KAZN: variants seen among roughly 807,000 people sequenced by gnomAD.
The protein encoded by KAZN is kazrin.
In KAZN, 40 loss-of-function variants were observed where a neutral mutation model predicts 87.4. The observed-to-expected ratio is 0.46, with a 90% CI of 0.36 to 0.60. KAZN has a LOEUF of 0.60. Ranked by LOEUF, KAZN falls within the 20% of genes least tolerant of loss-of-function variation. The pLI is 0.00. For synonymous variants in KAZN, 466 were observed against 458.3 expected, an observed-to-expected ratio of 1.02 and a Z score of -0.22; for missense variants, 898 against 1,073.9, an observed-to-expected ratio of 0.84 and a Z score of 2.29.
At chr1:14,460,179 G>T (rs1350274551) in intron 2 of KAZN, among the ~76,000 whole-genome samples, 1 of 152,276 alleles carries the variant, frequency 6.6e-6, no homozygotes, top group South Asian at 2.1e-4. Flanking sequence ...GTATCAAAGG[G>T]CACCTATAAC....
intron 1 of KAZN, among the ~76,000 whole-genome samples, chr1:14,673,414 G>A (rs372483140): frequency 1.8e-4 from 28 of 152,328 alleles, no homozygotes; most frequent in African/African-American, 6.5e-4. Context: ...AGCAACAGCC[G>A]TGGGCTTGTG....
chr1:14,894,466 C>A (rs1655046191), intron 1 of KAZN, among the ~76,000 whole-genome samples: 3 of 152,224 alleles, frequency 2.0e-5, no homozygotes, highest in African/African-American at 4.8e-5. Flanking sequence ...CCTGGGAAGA[C>A]TGAATGTGTT....
intron 1 of KAZN, among the ~76,000 whole-genome samples, chr1:14,126,360 C>CG (rs1644867986): frequency 6.6e-6 from 1 of 150,698 alleles, no homozygotes; most frequent in Non-Finnish European, 1.5e-5. Flanking sequence ...CCCTCCCCCC[C>CG]CCCGTCAAGA....
chr1:14,402,252 T>A (rs1429050898), intron 2 of KAZN, among the ~76,000 whole-genome samples: 2 of 143,642 alleles, frequency 1.4e-5, no homozygotes, highest in African/African-American at 5.2e-5. Flanking sequence ...AAAAAAAAAA[T>A]CTTCGATGTT....
At chr1:14,500,631 G>A (rs1046484612) in intron 2 of KAZN, among the ~76,000 whole-genome samples, 2 of 151,838 alleles carry the variant, frequency 1.3e-5, no homozygotes, top group African/African-American at 4.8e-5. Context: ...AGAATAGAAA[G>A]ATGATAGAGA....
intron 2 of KAZN, among the ~76,000 whole-genome samples, chr1:14,478,007 G>A (rs1464960590): frequency 6.6e-6 from 1 of 152,182 alleles, no homozygotes; most frequent in East Asian, 1.9e-4. Flanking sequence ...CTCACCGCTA[G>A]GTGAAAATCA....
intron 4 of KAZN, among the ~76,000 whole-genome samples, chr1:15,047,261 T>A (rs1673661166): frequency 6.6e-6 from 1 of 152,192 alleles, no homozygotes; most frequent in Non-Finnish European, 1.5e-5. Flanking sequence ...TTGCCCGCCA[T>A]GCCTAAAGTT....
intron 1 of KAZN, among the ~76,000 whole-genome samples, chr1:14,920,106 T>C (rs115728000): frequency 2.5e-3 from 385 of 152,184 alleles, no homozygotes; most frequent in African/African-American, 8.6e-3. Flanking sequence ...TATTCAACTT[T>C]AAGCAGACAC....
At chr1:14,959,128 T>G (rs7523689) in intron 1 of KAZN, among the ~76,000 whole-genome samples, 54,893 of 152,092 alleles carry the variant, frequency 0.36, 12,968 homozygotes, top group African/African-American at 0.68. Flanking sequence ...GGGGCAGAGT[T>G]TGTGCTGAGC....
At position 14,729,339 on chromosome 1, in the gene KAZN, G is replaced by A. The variant is rs150764975; in HGVS notation, c.226+130116G>A. Among the ~76,000 whole-genome samples, 239 of 152,360 alleles carry A rather than the reference G, an allele frequency of 1.6e-3. 1 individual carries two copies. Among genetic ancestry groups the A allele is most frequent in the African/African-American group, 5.6e-3 (233 of 41,584 alleles). On this transcript the variant is annotated intron_variant, in intron 1 of 14. Transcript: ENST00000376030. ...AGGGAAGCAGAGATTTATCCAAGAC[G>A]TGCACCTGGGAGCAGTCAGCTCTGC...
At chr1:14,154,456 G>C (rs1421827935) in intron 1 of KAZN, among the ~76,000 whole-genome samples, 1 of 151,956 alleles carries the variant, frequency 6.6e-6, no homozygotes, top group Non-Finnish European at 1.5e-5. Context: ...AGATAATTTG[G>C]CTTCTTCCTT....
intron 2 of KAZN, among the ~76,000 whole-genome samples, chr1:14,520,467 G>A (rs1671528155): frequency 6.6e-6 from 1 of 152,198 alleles, no homozygotes; most frequent in Non-Finnish European, 1.5e-5. Context: ...CACCTAGAAA[G>A]CAGGAAGAGG....
Position 15,066,347 on chromosome 1 carries a change from T to A in KAZN, c.1222+594T>A. On this transcript the variant is annotated intron_variant, in intron 8 of 14. Transcript: ENST00000376030. This position sits in a 1 kb window ranked among gnomAD's most constrained non-coding sequence, Gnocchi z 4.3. ...TTTGATGTCCCCCCTCCCGCCCCCC[T>A]GGTGTGAACGTGTGGGACCAGACCC... 2 of 406,226 alleles carry A rather than the reference T, an allele frequency of 4.9e-6. No individual in the cohort carries two copies. The highest frequency in any genetic ancestry group is 6.3e-6 in the Non-Finnish European group (2 of 317,728). The allele number at this position is 406,226 out of a possible 1,614,324, so 25.2% of individuals were successfully genotyped here.
intron 2 of KAZN, among the ~76,000 whole-genome samples, chr1:14,553,364 A>C (rs1171070225): frequency 6.6e-6 from 1 of 152,104 alleles, no homozygotes; most frequent in African/African-American, 2.4e-5. Flanking sequence ...GCCTCAAAAA[A>C]CACATATATA....
intron 2 of KAZN, among the ~76,000 whole-genome samples, chr1:14,507,113 C>T (rs1670625089): frequency 6.6e-6 from 1 of 152,116 alleles, no homozygotes; most frequent in Admixed American, 6.5e-5. Context: ...TTATATTTCC[C>T]CAGAGAAAGA....
chr1:13,929,690 C>T (rs1354232369), intron 1 of KAZN, among the ~76,000 whole-genome samples: 3 of 151,882 alleles, frequency 2.0e-5, no homozygotes, highest in Non-Finnish European at 4.4e-5. Flanking sequence ...CACAGGAGGG[C>T]GTGTGGTTGG....
At chr1:14,614,997 G>A (rs1342497926) in intron 1 of KAZN, among the ~76,000 whole-genome samples, 1 of 152,238 alleles carries the variant, frequency 6.6e-6, no homozygotes, top group African/African-American at 2.4e-5. Flanking sequence ...GGCTGTTGTA[G>A]GATTCAGGTA....
chr1:15,043,618 G>C (rs916805380), intron 3 of KAZN, among the ~76,000 whole-genome samples: 1 of 149,770 alleles, frequency 6.7e-6, no homozygotes, highest in Non-Finnish European at 1.5e-5. Flanking sequence ...CACATGTCAT[G>C]GGGCCTCCCC....
intron 2 of KAZN, among the ~76,000 whole-genome samples, chr1:14,544,876 G>A (rs1240891195): frequency 1.3e-5 from 2 of 151,934 alleles, no homozygotes; most frequent in Non-Finnish European, 2.9e-5. Context: ...GGCCCCCTTG[G>A]CTTCTGATGC....
Sources: gnomAD v4.1 joint callset for allele counts (sites outside exome capture counted in the v4.1 genomes callset) on GRCh38, gnomAD v4.1.1 for gene constraint, Gnocchi (gnomAD v3.1) non-coding constraint, MANE v1.5 for transcripts, NCBI Gene and HGNC (gene_info 2026-07-23, HGNC 2026-07-21) for gene names.